The following ERBB4 variants were observed in gnomAD, a reference collection of about 807,000 sequenced individuals.
ERBB4 encodes the protein erb-b2 receptor tyrosine kinase 4.
In ERBB4, 42 loss-of-function variants were observed where a neutral mutation model predicts 158.0. The observed-to-expected ratio is 0.27, with a 90% confidence interval of 0.21 to 0.34. The LOEUF is 0.34. ERBB4 is among the 10% of genes least tolerant of loss of function. The probability of loss-of-function intolerance (pLI) is 1.00; values close to 1 mark genes in which losing one functional copy is unlikely to be tolerated. For missense variants in ERBB4, 1,333 were observed against 1,624.1 expected (o/e 0.82, Z 3.08); for synonymous variants, 583 against 558.7 (o/e 1.04, Z -0.61).
rs1195133916 is a variant in ERBB4 at position 211,383,187 on chromosome 2, C to T, written c.*428G>A. 4.2e-6 allele frequency: 1 copy of T among 237,124 alleles called. No homozygotes were observed. Among genetic ancestry groups the T allele is most frequent in the South Asian group, 1.4e-4 (1 of 7,320 alleles). The allele number at this position is 237,124 out of a possible 1,614,324, so 14.7% of individuals were successfully genotyped here. A position where few individuals can be genotyped will look rare whatever the true frequency, so the allele number is the denominator to read the frequency against. Reference sequence around the variant, plus strand: ...GATTTCCAGGGATGCTAAATATGCACACATCAGTTCCTGCAGATAGGAACA... The same window carrying T: ...GATTTCCAGGGATGCTAAATATGCATACATCAGTTCCTGCAGATAGGAACA... On this transcript the variant is annotated 3_prime_UTR_variant, in exon 28 of 28. Transcript: ENST00000342788.
chr2:211,851,273 G>T (rs541239352), intron 3 of ERBB4, among the ~76,000 whole-genome samples: 3 of 151,872 alleles, frequency 2.0e-5, no homozygotes, highest in Non-Finnish European at 4.4e-5. Context: ...TGGTGTTAAG[G>T]TCTGCAAGAA....
chr2:211,779,738 C>T (rs1389906342), intron 4 of ERBB4: 1 of 152,188 alleles, frequency 6.6e-6, no homozygotes, highest in Admixed American at 6.5e-5. Context: ...CCTTACCGCA[C>T]ATTCGAAGAG....
At chr2:212,317,743 T>C (rs557048928) in intron 1 of ERBB4, among the ~76,000 whole-genome samples, 1 of 151,562 alleles carries the variant, frequency 6.6e-6, no homozygotes, top group South Asian at 2.1e-4. Flanking sequence ...CCTCAAAGCA[T>C]ACAGATATAA....
chr2:211,847,526 A>G (rs968897738), intron 3 of ERBB4, among the ~76,000 whole-genome samples: 3 of 152,186 alleles, frequency 2.0e-5, no homozygotes, highest in African/African-American at 7.2e-5. Flanking sequence ...AGGCAAAGAT[A>G]CTATACAGCA....
At chr2:211,739,817 G>T (rs1413961842) in intron 5 of ERBB4, among the ~76,000 whole-genome samples, 1 of 152,040 alleles carries the variant, frequency 6.6e-6, no homozygotes, top group Admixed American at 6.6e-5. Context: ...CTTTAGAAAA[G>T]AAAGCATTGG....
intron 15 of ERBB4, among the ~76,000 whole-genome samples, chr2:211,662,184 T>C (rs2105911412): frequency 6.6e-6 from 1 of 151,688 alleles, no homozygotes; most frequent in East Asian, 1.9e-4. Flanking sequence ...AAATAACCAT[T>C]TCATTCCAAG....
intron 4 of ERBB4, among the ~76,000 whole-genome samples, chr2:211,766,822 C>T (rs1463991396): frequency 6.6e-6 from 1 of 152,122 alleles, no homozygotes; most frequent in Non-Finnish European, 1.5e-5. Flanking sequence ...TTGCAACACC[C>T]CACTCCCCCA....
At chr2:211,818,571 T>C (rs988344276) in intron 3 of ERBB4, among the ~76,000 whole-genome samples, 2 of 152,118 alleles carry the variant, frequency 1.3e-5, no homozygotes, top group Non-Finnish European at 2.9e-5. Context: ...TCTACTTATG[T>C]TTAAGTACTT....
intron 16 of ERBB4, among the ~76,000 whole-genome samples, chr2:211,641,253 T>C: frequency 6.6e-6 from 1 of 152,122 alleles, no homozygotes; most frequent in East Asian, 1.9e-4. Flanking sequence ...GGGCTTTATT[T>C]CTTTTCTACT....
At chr2:211,658,953 C>A (rs1248119542) in intron 15 of ERBB4, among the ~76,000 whole-genome samples, 1 of 152,030 alleles carries the variant, frequency 6.6e-6, no homozygotes, top group East Asian at 1.9e-4. Context: ...TTATCAAGAT[C>A]CTTTTTATAG....
chr2:212,112,975 A>T (rs1387624279), intron 2 of ERBB4, among the ~76,000 whole-genome samples: 2 of 152,228 alleles, frequency 1.3e-5, no homozygotes, highest in African/African-American at 2.4e-5. Flanking sequence ...ATTGACAAAA[A>T]TGCACAGTAT....
At chr2:211,504,050 C>T (rs746070458) in intron 20 of ERBB4, among the ~76,000 whole-genome samples, 2 of 152,116 alleles carry the variant, frequency 1.3e-5, no homozygotes, top group African/African-American at 2.4e-5. Context: ...CACCTACTGG[C>T]TGGGAGGTCA....
rs140200075 is a variant in ERBB4, at chr2:212,324,592, T to C, written c.83-199689A>G. Among the ~76,000 whole-genome samples the C allele has an allele frequency of 9.3e-5, 14 of 150,196 alleles. No individual in the cohort carries two copies. In the East Asian group the frequency reaches 2.1e-3, roughly 23 times the overall value. On this transcript the variant is annotated intron_variant, in intron 1 of 27. Transcript: ENST00000342788. ...TGGATCGGTGAATAATAGAATGTGA[T>C]TGATTTTGAAAGACATAAATGAAAA...
At chr2:212,003,209 G>GT (rs2076171972) in intron 2 of ERBB4, among the ~76,000 whole-genome samples, 1 of 51,726 alleles carries the variant, frequency 1.9e-5, no homozygotes. Context: ...AAGAAAGACA[G>GT]AAAGAAGGAA....
At chr2:212,156,367 A>C (rs2081035611) in intron 1 of ERBB4, among the ~76,000 whole-genome samples, 1 of 151,938 alleles carries the variant, frequency 6.6e-6, no homozygotes, top group Non-Finnish European at 1.5e-5. Flanking sequence ...TTCTGCCATG[A>C]TTAGTGTCAC....
chr2:211,790,438 C>G (rs961764500), intron 3 of ERBB4, among the ~76,000 whole-genome samples: 1 of 151,968 alleles, frequency 6.6e-6, no homozygotes, highest in African/African-American at 2.4e-5. Context: ...CTCCAACTTC[C>G]TATCTAAAAT....
In ERBB4 at chr2:212,203,077, T is replaced by G. The variant is rs377365260; in HGVS notation, c.83-78174A>C. Among the ~76,000 whole-genome samples, 5 of 152,114 alleles carry G rather than the reference T, an allele frequency of 3.3e-5. No homozygotes were observed. The South Asian group carries it at 1.0e-3, about 32-fold the overall frequency. On this transcript the variant is annotated intron_variant, in intron 1 of 27. Transcript: ENST00000342788. ...CAAAAGTGAACGAGTCAGAAATCTG[T>G]CCTCTTTGAGAGCTTACATTTAGGG...
intron 3 of ERBB4, among the ~76,000 whole-genome samples, chr2:211,914,999 T>C (rs899218571): frequency 3.3e-5 from 5 of 152,136 alleles, no homozygotes; most frequent in African/African-American, 2.4e-5. Flanking sequence ...ATTTCCAAGA[T>C]TTTTTGTTAG....
intron 2 of ERBB4, among the ~76,000 whole-genome samples, chr2:212,010,546 A>T (rs1253065874): frequency 6.6e-6 from 1 of 152,174 alleles, no homozygotes; most frequent in African/African-American, 2.4e-5. Context: ...AAAGGGCAAA[A>T]GCAGAATTAC....
Sources: allele counts gnomAD v4.1 joint callset (sites outside exome capture counted in the v4.1 genomes callset), GRCh38; gene constraint gnomAD v4.1.1; transcripts MANE v1.5; gene names NCBI Gene and HGNC (gene_info 2026-07-23, HGNC 2026-07-21).